Variants in CTNNA2 observed in about 807,000 individuals in gnomAD.
CTNNA2 encodes the protein catenin alpha-2.
Under a neutral mutation model 101.0 loss-of-function variants are expected in CTNNA2, and 42 were observed. The ratio of observed to expected loss-of-function variants is 0.42; its 90% CI spans 0.32 to 0.54. CTNNA2 has a LOEUF of 0.54. Among genes scored for constraint, CTNNA2 ranks in the 20% least tolerant of loss-of-function variants. CTNNA2 has a pLI of 0.14. For synonymous variants in CTNNA2, 450 were observed against 456.4 expected, an observed-to-expected ratio of 0.99 and a Z score of 0.18; for missense variants, 871 against 1,223.1, an observed-to-expected ratio of 0.71 and a Z score of 4.29.
At chr2:79,408,126 ACT>A (rs1263604882) in intron 4 of CTNNA2, among the ~76,000 whole-genome samples, 1 of 151,836 alleles carries the variant, frequency 6.6e-6, no homozygotes, top group East Asian at 1.9e-4. Context: ...TCTCTGCCTG[ACT>A]CTGAGAATCC....
At chr2:79,349,779 A>G (rs1181076761) in intron 3 of CTNNA2, among the ~76,000 whole-genome samples, 1 of 152,142 alleles carries the variant, frequency 6.6e-6, no homozygotes, top group Non-Finnish European at 1.5e-5. Flanking sequence ...GTATTGAGAA[A>G]CCATTATATT....
intron 3 of CTNNA2, among the ~76,000 whole-genome samples, chr2:79,793,344 G>A (rs1053162034): frequency 6.6e-6 from 1 of 152,194 alleles, no homozygotes; most frequent in East Asian, 1.9e-4. Flanking sequence ...AGTCCCATGG[G>A]GGTGAGACAG....
chr2:80,002,089 A>G (rs1226156920), intron 7 of CTNNA2, among the ~76,000 whole-genome samples: 1 of 152,190 alleles, frequency 6.6e-6, no homozygotes, highest in East Asian at 1.9e-4. Flanking sequence ...AATATTTCCA[A>G]AAGGTTCTAT....
chr2:79,701,378 C>G (rs954690950), intron 2 of CTNNA2, among the ~76,000 whole-genome samples: 6 of 152,062 alleles, frequency 3.9e-5, no homozygotes, highest in Non-Finnish European at 8.8e-5. Flanking sequence ...CAGAAAGCAC[C>G]CCAGCACCCC....
At chr2:80,387,873 C>T (rs1158983701) in intron 7 of CTNNA2, among the ~76,000 whole-genome samples, 2 of 152,204 alleles carry the variant, frequency 1.3e-5, no homozygotes, top group Non-Finnish European at 2.9e-5. Flanking sequence ...CCTAGCACAA[C>T]AGATGGCAAC....
chr2:80,056,599 C>T (rs1032694987), intron 7 of CTNNA2, among the ~76,000 whole-genome samples: 2 of 152,240 alleles, frequency 1.3e-5, no homozygotes, highest in Non-Finnish European at 2.9e-5. Context: ...ACCATATATA[C>T]TGTCCTCATT....
chr2:80,114,398 C>T (rs560063522), intron 7 of CTNNA2, among the ~76,000 whole-genome samples: 1 of 152,162 alleles, frequency 6.6e-6, no homozygotes, highest in South Asian at 2.1e-4. Flanking sequence ...GTATCAAATA[C>T]ATAGGTTTTG....
intron 7 of CTNNA2, among the ~76,000 whole-genome samples, chr2:80,033,685 C>T (rs924076061): frequency 1.3e-5 from 2 of 151,890 alleles, no homozygotes; most frequent in Admixed American, 6.6e-5. Context: ...GAACAAATAC[C>T]GTATAAGAAG....
intron 2 of CTNNA2, among the ~76,000 whole-genome samples, chr2:79,239,616 A>G (rs1674597440): frequency 6.6e-6 from 1 of 152,220 alleles, no homozygotes; most frequent in African/African-American, 2.4e-5. Context: ...TCTAGGCAAT[A>G]TCATTCAGGA....
chr2:80,435,378 C>T (rs1681936680), intron 9 of CTNNA2, among the ~76,000 whole-genome samples: 1 of 152,150 alleles, frequency 6.6e-6, no homozygotes, highest in South Asian at 2.1e-4. Context: ...TTTCTCTCCC[C>T]ACAGTAATTT....
At chr2:80,358,959 A>G (rs754304732) in intron 7 of CTNNA2, among the ~76,000 whole-genome samples, 61 of 152,152 alleles carry the variant, frequency 4.0e-4, no homozygotes, top group Non-Finnish European at 7.5e-4. Flanking sequence ...TGGGGTTTCC[A>G]TTCTATCCTA....
intron 3 of CTNNA2, among the ~76,000 whole-genome samples, chr2:79,800,785 C>A (rs1353794866): frequency 2.6e-5 from 4 of 152,120 alleles, no homozygotes; most frequent in African/African-American, 9.7e-5. Context: ...CAATTTTAGT[C>A]TGATGGATGA....
chr2:80,427,776 T>C (rs1681126412), intron 9 of CTNNA2, among the ~76,000 whole-genome samples: 1 of 152,216 alleles, frequency 6.6e-6, no homozygotes, highest in Non-Finnish European at 1.5e-5. Flanking sequence ...CTCTTCTCAA[T>C]TAATCCTTCC....
intron 3 of CTNNA2, among the ~76,000 whole-genome samples, chr2:79,355,693 G>C (rs1188772164): frequency 6.6e-6 from 1 of 152,150 alleles, no homozygotes; most frequent in Non-Finnish European, 1.5e-5. Flanking sequence ...TGGAGTCATA[G>C]AATACGTATC....
At chr2:80,583,428 ACT>A (rs1695709223) in intron 14 of CTNNA2, among the ~76,000 whole-genome samples, 2 of 152,052 alleles carry the variant, frequency 1.3e-5, no homozygotes, top group South Asian at 4.1e-4. Flanking sequence ...AAATCTTTTG[ACT>A]CTGTGTTGGC....
chr2:80,569,633 GTTTTTT>G (rs70940088), intron 12 of CTNNA2, among the ~76,000 whole-genome samples: 125 of 51,730 alleles, frequency 2.4e-3, no homozygotes, highest in African/African-American at 7.0e-3. Context: ...GGGTATTTAG[GTTTTTT>G]TTTTTTTTTT....
chr2:80,416,675 G>A lies in CTNNA2; in HGVS notation c.1138-2774G>A, dbSNP rs1335689529. Among the ~76,000 whole-genome samples, 3 of 150,938 alleles carry A rather than the reference G, an allele frequency of 2.0e-5. No individual in the cohort carries two copies. The East Asian group carries it at 5.8e-4, about 29-fold the overall frequency. ...CACAATGTTGTAATATGTCTTTATT[G>A]TCAGAGTATATAAACATTTATACTA... On this transcript the variant is annotated intron_variant, in intron 8 of 18. Transcript: ENST00000402739.
At chr2:79,722,164 G>A (rs796240013) in intron 2 of CTNNA2, among the ~76,000 whole-genome samples, 6 of 152,256 alleles carry the variant, frequency 3.9e-5, no homozygotes, top group East Asian at 1.9e-4. Context: ...TGTGGTTCAC[G>A]CTCTTTGTAA....
intron 9 of CTNNA2, among the ~76,000 whole-genome samples, chr2:80,428,423 A>G (rs143215080): frequency 7.9e-4 from 121 of 152,340 alleles, no homozygotes; most frequent in African/African-American, 2.6e-3. Flanking sequence ...TACTATGACT[A>G]GAAGAGAGGC....
Sources: gnomAD v4.1 joint callset for allele counts (sites outside exome capture counted in the v4.1 genomes callset) on GRCh38, gnomAD v4.1.1 for gene constraint, MANE v1.5 for transcripts, NCBI Gene and HGNC (gene_info 2026-07-23, HGNC 2026-07-21) for gene names.